Variants in CENPM observed in about 807,000 individuals in gnomAD.
The protein encoded by CENPM is interphase centromere complex protein 39.
In CENPM, 14 loss-of-function variants were observed where a neutral mutation model predicts 19.6. The observed-to-expected ratio is 0.71, with a 90% confidence interval of 0.47 to 1.11. The LOEUF (loss-of-function observed/expected upper bound fraction) is 1.11, where lower values mean the gene tolerates loss of function less well. CENPM is among the 50% of genes most tolerant of loss of function. The probability of loss-of-function intolerance (pLI) is 0.00; values close to 1 mark genes in which losing one functional copy is unlikely to be tolerated. For synonymous variants in CENPM, 114 were observed against 101.5 expected (o/e 1.12, Z -0.74); for missense variants, 239 against 228.4 (o/e 1.05, Z -0.30).
chr22:41,947,104 T>A lies in CENPM; in HGVS notation c.-28A>T. The A allele has an allele frequency of 6.2e-7, 1 of 1,610,744 alleles. No individual in the cohort carries two copies. Among genetic ancestry groups the A allele is most frequent in the Non-Finnish European group, 8.5e-7 (1 of 1,178,374 alleles). ...CAGCCGCAGGACCAACCGTTGCTCCTGCGGTGCGCGCCGATCTTTCAAACC... is the reference window on the plus strand; with the variant it reads ...CAGCCGCAGGACCAACCGTTGCTCCAGCGGTGCGCGCCGATCTTTCAAACC... On this transcript the variant is annotated 5_prime_UTR_variant, in exon 1 of 6. Transcript: ENST00000215980.
At chr22:41,939,272 G>A in intron 5 of CENPM, 76 bp from the exon 6 acceptor site, 2 of 1,496,670 alleles carry the variant, frequency 1.3e-6, no homozygotes, top group Non-Finnish European at 1.8e-6. Flanking sequence ...TGCAGGGGCT[G>A]CCAGAGCAGG....
At chr22:41,942,656 C>A (rs554746625) in intron 5 of CENPM, among the ~76,000 whole-genome samples, 1 of 150,948 alleles carries the variant, frequency 6.6e-6, no homozygotes, top group African/African-American at 2.4e-5. Context: ...GAGGCTGAGG[C>A]AGGAGAATGG....
At chr22:41,937,547 G>A (rs558062161), downstream of CENPM, among the ~76,000 whole-genome samples, 1 of 152,150 alleles carries the variant, frequency 6.6e-6, no homozygotes, top group Admixed American at 6.5e-5. Context: ...CGCCCGCCTC[G>A]GCTTTCCATG....
At chr22:41,940,048 C>T (rs541148651) in intron 5 of CENPM, 21 of 688,262 alleles carry the variant, frequency 3.1e-5, no homozygotes, top group Non-Finnish European at 5.1e-5. Flanking sequence ...CCCCACCAGG[C>T]TCCACTGATC....
intron 5 of CENPM, 127 bp from the exon 6 acceptor site, chr22:41,939,323 C>CCCACCACAG: frequency 9.1e-7 from 1 of 1,100,724 alleles, no homozygotes; most frequent in Non-Finnish European, 1.3e-6. Context: ...GTCACCACTG[C>CCCACCACAG]CCACCACAGC....
Position 41,945,910 on chromosome 22 carries a change from C to G in CENPM, c.230+3G>C, listed in dbSNP as rs772401867. ...CCTGACTGCCCCTTCCTCTGGCTCT[C>G]ACCTGTATTTGCTGTGAAGATTAAC... On this transcript the variant is annotated splice_donor_region_variant and intron_variant, in intron 3 of 5. Coordinates refer to ENST00000215980, the MANE Select transcript of CENPM (RefSeq NM_024053.5). 3 of 1,612,692 alleles carry G rather than the reference C, an allele frequency of 1.9e-6. No homozygotes were observed. Among genetic ancestry groups the G allele is most frequent in the Non-Finnish European group, 1.7e-6 (2 of 1,178,986 alleles).
At chr22:41,932,491 C>T in the CENPM span, among the ~76,000 whole-genome samples, 35 of 152,362 alleles carry the variant, frequency 2.3e-4, no homozygotes, top group African/African-American at 8.2e-4. This position sits in a 1 kb window ranked among gnomAD's most constrained non-coding sequence, Gnocchi z 4.3. Context: ...AGTCACAAAT[C>T]CTTGCCTGGG....
chr22:41,929,742 G>T, the CENPM span, among the ~76,000 whole-genome samples: 3 of 149,158 alleles, frequency 2.0e-5, no homozygotes, highest in Admixed American at 6.8e-5. Context: ...TGCGGGATTC[G>T]TGTCTGTGTT....
At chr22:41,940,334 T>C in intron 5 of CENPM, 2 of 583,426 alleles carry the variant, frequency 3.4e-6, no homozygotes. Flanking sequence ...CGCCTCCACT[T>C]TCCAGCACGT....
At chr22:41,929,974 C>T in the CENPM span, among the ~76,000 whole-genome samples, 3 of 112,208 alleles carry the variant, frequency 2.7e-5, no homozygotes, top group Admixed American at 1.2e-4. Context: ...GACGGAGTCT[C>T]TCTCTGTCGC....
chr22:41,932,159 C>A, the CENPM span, among the ~76,000 whole-genome samples: 2 of 152,202 alleles, frequency 1.3e-5, no homozygotes, highest in Non-Finnish European at 2.9e-5. The surrounding 1 kb of genome is among the most constrained non-coding windows in gnomAD (Gnocchi z 4.3). Context: ...TGCAGGGCTT[C>A]GAGTCAGCTC....
the CENPM span, among the ~76,000 whole-genome samples, chr22:41,932,047 C>T: frequency 6.6e-6 from 1 of 152,222 alleles, no homozygotes; most frequent in Non-Finnish European, 1.5e-5. This position sits in a 1 kb window ranked among gnomAD's most constrained non-coding sequence, Gnocchi z 4.3. Context: ...CTGCCTGGTT[C>T]TGTGCCTTTG....
chr22:41,933,034 G>A, the CENPM span, among the ~76,000 whole-genome samples: 1 of 152,134 alleles, frequency 6.6e-6, no homozygotes, highest in African/African-American at 2.4e-5. Context: ...GGTGCTCGAG[G>A]GTTATGGGTG....
the CENPM span, among the ~76,000 whole-genome samples, chr22:41,928,513 G>A: frequency 1.3e-5 from 2 of 152,180 alleles, no homozygotes; most frequent in East Asian, 3.8e-4. This position sits in a 1 kb window ranked among gnomAD's most constrained non-coding sequence, Gnocchi z 4.0. Context: ...TCAGGGCTGG[G>A]GAAGCACAGT....
Position 41,947,112 on chromosome 22 carries a change from G to A in CENPM, c.-36C>T. On this transcript the variant is annotated 5_prime_UTR_variant, in exon 1 of 6. Coordinates refer to ENST00000215980, the MANE Select transcript of CENPM (RefSeq NM_024053.5). ...GGACCAACCGTTGCTCCTGCGGTGC[G>A]CGCCGATCTTTCAAACCGCCCTGAG... The A allele has an allele frequency of 6.2e-7, 1 of 1,607,336 alleles. No individual in the cohort carries two copies. Among genetic ancestry groups the A allele is most frequent in the Non-Finnish European group, 8.5e-7 (1 of 1,175,842 alleles).
At chr22:41,936,178 T>C (rs993113600), downstream of CENPM, among the ~76,000 whole-genome samples, 2 of 152,190 alleles carry the variant, frequency 1.3e-5, no homozygotes, top group African/African-American at 4.8e-5. Flanking sequence ...CCTCCAAACC[T>C]TTCTTCAAGG....
At chr22:41,943,124 G>A (rs561511034) in intron 5 of CENPM, among the ~76,000 whole-genome samples, 30 of 148,996 alleles carry the variant, frequency 2.0e-4, no homozygotes, top group African/African-American at 7.0e-4. Context: ...GGGGTGGGAC[G>A]AGACAAGATC....
In CENPM at chr22:41,946,343, G is replaced by A. The variant is rs2077801661; in HGVS notation, c.137+74C>T. The stretch of plus-strand genomic sequence containing the variant: ...TCAGAGGAGGGGGCGCTGGGCTTCG[G>A]AGTTTAGCAGCTAGGACCGAATCCC... On this transcript the variant is annotated intron_variant, in intron 2 of 5. Transcript: ENST00000215980. The A allele has an allele frequency of 1.0e-5, 13 of 1,299,664 alleles. No homozygotes were observed. The South Asian group carries it at 1.6e-4, about 16-fold the overall frequency. 80.5% of individuals were successfully genotyped at this position (1,299,664 alleles called of 1,614,324 possible).
the CENPM span, among the ~76,000 whole-genome samples, chr22:41,928,737 G>A: frequency 6.6e-6 from 1 of 152,166 alleles, no homozygotes; most frequent in Non-Finnish European, 1.5e-5. This position sits in a 1 kb window ranked among gnomAD's most constrained non-coding sequence, Gnocchi z 4.0. Flanking sequence ...CGGATGGGCA[G>A]GGCACCAGTC....
Sources: gnomAD v4.1 joint callset for allele counts (sites outside exome capture counted in the v4.1 genomes callset) on GRCh38, gnomAD v4.1.1 for gene constraint, Gnocchi (gnomAD v3.1) non-coding constraint, MANE v1.5 for transcripts, NCBI Gene and HGNC (gene_info 2026-07-23, HGNC 2026-07-21) for gene names.